BNC2: variants seen among roughly 807,000 people sequenced by gnomAD.
The protein encoded by BNC2 is basonuclin zinc finger protein 2, also known as zinc finger protein basonuclin-2.
Under a neutral mutation model 76.3 loss-of-function variants are expected in BNC2, and 20 were observed. The observed-to-expected ratio is 0.26, with a 90% CI of 0.18 to 0.38. The LOEUF (loss-of-function observed/expected upper bound fraction) is 0.38. BNC2 is among the 10% of genes least tolerant of loss of function. The probability of loss-of-function intolerance (pLI) is 1.00; values close to 1 mark genes in which losing one functional copy is unlikely to be tolerated. For synonymous variants in BNC2, 582 were observed against 514.8 expected, an observed-to-expected ratio of 1.13 and a Z score of -1.77; for missense variants, 1,382 against 1,399.8, an observed-to-expected ratio of 0.99 and a Z score of 0.20.
intron 3 of BNC2, among the ~76,000 whole-genome samples, chr9:16,652,058 T>C (rs1447673738): frequency 1.3e-5 from 2 of 152,200 alleles, no homozygotes; most frequent in African/African-American, 4.8e-5. Flanking sequence ...TGTAAAGACA[T>C]TGATATATCC....
At chr9:16,565,626 G>A (rs188755437) in intron 4 of BNC2, among the ~76,000 whole-genome samples, 1 of 152,060 alleles carries the variant, frequency 6.6e-6, no homozygotes, top group Admixed American at 6.6e-5. Context: ...TAAGCAACAC[G>A]GTGAGACCCT....
intron 5 of BNC2, among the ~76,000 whole-genome samples, chr9:16,520,603 G>T (rs1817587185): frequency 1.3e-5 from 2 of 152,176 alleles, no homozygotes; most frequent in Admixed American, 1.3e-4. Flanking sequence ...TCTCTGAACA[G>T]CACATAAGAG....
chr9:16,599,834 T>G (rs1466453682), intron 3 of BNC2, among the ~76,000 whole-genome samples: 1 of 152,194 alleles, frequency 6.6e-6, no homozygotes, highest in Non-Finnish European at 1.5e-5. Flanking sequence ...CATCTGCATT[T>G]TTCATTGATA....
chr9:16,648,075 A>ATGTG (rs139071003), intron 3 of BNC2, among the ~76,000 whole-genome samples: 11 of 152,132 alleles, frequency 7.2e-5, no homozygotes, highest in African/African-American at 2.6e-4. Flanking sequence ...GCAATAAAAT[A>ATGTG]TGTGTGTGTG....
chr9:16,806,828 T>C (rs541984568), intron 1 of BNC2, among the ~76,000 whole-genome samples: 14 of 152,296 alleles, frequency 9.2e-5, no homozygotes, highest in Non-Finnish European at 1.5e-4. Context: ...AGTTAACAGG[T>C]GTCAGAAACT....
intron 1 of BNC2, among the ~76,000 whole-genome samples, chr9:16,809,531 C>T (rs1158347479): frequency 1.3e-5 from 2 of 152,098 alleles, no homozygotes; most frequent in South Asian, 2.1e-4. Context: ...ATAGGTCAAA[C>T]GAGGGTGTAC....
chr9:16,612,116 T>A (rs1021476260), intron 3 of BNC2, among the ~76,000 whole-genome samples: 6 of 151,358 alleles, frequency 4.0e-5, no homozygotes, highest in African/African-American at 1.5e-4. Flanking sequence ...AATTGTGAAT[T>A]GTGCAACAAA....
intron 4 of BNC2, among the ~76,000 whole-genome samples, chr9:16,570,738 C>G (rs1367136409): frequency 1.3e-5 from 2 of 152,178 alleles, no homozygotes; most frequent in Non-Finnish European, 2.9e-5. Flanking sequence ...CCATCCCATT[C>G]TCTATTAGTG....
At chr9:16,790,797 G>A (rs1057505904) in intron 1 of BNC2, among the ~76,000 whole-genome samples, 2 of 137,204 alleles carry the variant, frequency 1.5e-5, no homozygotes, top group Non-Finnish European at 3.1e-5. Flanking sequence ...CACTGGCTGA[G>A]TTGACATTCC....
chr9:16,661,720 T>C (rs1822115943), intron 3 of BNC2, among the ~76,000 whole-genome samples: 1 of 152,206 alleles, frequency 6.6e-6, no homozygotes, highest in African/African-American at 2.4e-5. Flanking sequence ...TGTGAGAACA[T>C]TCCTGAACTT....
At chr9:16,645,902 G>A (rs1821609478) in intron 3 of BNC2, among the ~76,000 whole-genome samples, 1 of 152,232 alleles carries the variant, frequency 6.6e-6, no homozygotes, top group Non-Finnish European at 1.5e-5. Flanking sequence ...TGGGACTTCT[G>A]AGGCCTTTAA....
chr9:16,515,444 GGCACCAAA>G (rs1822854408), intron 5 of BNC2, among the ~76,000 whole-genome samples: 1 of 152,112 alleles, frequency 6.6e-6, no homozygotes, highest in Non-Finnish European at 1.5e-5. Context: ...GAATGCACCC[GGCACCAAA>G]GCCTCCCTCA....
intron 5 of BNC2, among the ~76,000 whole-genome samples, chr9:16,465,194 G>C (rs763615164): frequency 6.6e-6 from 1 of 152,174 alleles, no homozygotes; most frequent in Non-Finnish European, 1.5e-5. Context: ...CCAACACTTT[G>C]AGAGGCTAAG....
intron 5 of BNC2, among the ~76,000 whole-genome samples, chr9:16,530,821 C>T (rs946103062): frequency 6.6e-6 from 1 of 152,108 alleles, no homozygotes; most frequent in African/African-American, 2.4e-5. Context: ...GCCAGCAAGC[C>T]GAGGCATGAG....
intron 1 of BNC2, among the ~76,000 whole-genome samples, chr9:16,848,214 G>A (rs1819035915): frequency 6.6e-6 from 1 of 152,118 alleles, no homozygotes. Context: ...TCAAAGTAAA[G>A]AGAAGGCACC....
chr9:16,793,425 G>A lies in BNC2; in HGVS notation c.4-54940C>T, dbSNP rs1274132259. On this transcript the variant is annotated intron_variant, in intron 1 of 6. Coordinates refer to ENST00000380672, the MANE Select transcript of BNC2 (RefSeq NM_017637.6). ...GGTGAAAATGACATGGTTAGGATAT[G>A]ACTTAACAAGCCAGTGAACATTTTC... is the stretch of plus-strand genomic sequence containing the variant. Among the ~76,000 whole-genome samples, 3 of 152,228 alleles carry A rather than the reference G, an allele frequency of 2.0e-5. No homozygotes were observed. The East Asian group carries it at 5.8e-4, about 29-fold the overall frequency.
chr9:16,841,316 C>T (rs565891724), intron 1 of BNC2, among the ~76,000 whole-genome samples: 4 of 152,162 alleles, frequency 2.6e-5, no homozygotes, highest in African/African-American at 7.2e-5. Context: ...AATTCTGTCC[C>T]TTGTCAAACT....
chr9:16,709,005 C>G (rs939365113), intron 3 of BNC2, among the ~76,000 whole-genome samples: 2 of 152,134 alleles, frequency 1.3e-5, no homozygotes, highest in Non-Finnish European at 2.9e-5. Context: ...TCTGTGTCAG[C>G]GATTTGACTT....
At chr9:16,585,753 T>C (rs943235578) in intron 3 of BNC2, among the ~76,000 whole-genome samples, 1 of 152,248 alleles carries the variant, frequency 6.6e-6, no homozygotes, top group South Asian at 2.1e-4. Flanking sequence ...GCCTCAAAAA[T>C]GTACATGCAT....
Sources: gnomAD v4.1 joint callset for allele counts (sites outside exome capture counted in the v4.1 genomes callset) on GRCh38, gnomAD v4.1.1 for gene constraint, MANE v1.5 for transcripts, NCBI Gene and HGNC (gene_info 2026-07-23, HGNC 2026-07-21) for gene names.